TMEM132E: variants seen among roughly 807,000 people sequenced by gnomAD.
The protein encoded by TMEM132E is transmembrane protein 132E.
Under a neutral mutation model 78.5 loss-of-function variants are expected in TMEM132E, and 49 were observed. The observed-to-expected ratio is 0.62, with a 90% CI of 0.50 to 0.79. The LOEUF (loss-of-function observed/expected upper bound fraction) is 0.79. Ranked by LOEUF, TMEM132E falls within the 30% of genes least tolerant of loss-of-function variation. The pLI is 0.00. For synonymous variants in TMEM132E, 715 were observed against 670.6 expected, an observed-to-expected ratio of 1.07 and a Z score of -1.02; for missense variants, 1,403 against 1,470.9, an observed-to-expected ratio of 0.95 and a Z score of 0.75.
Position 34,627,038 on chromosome 17 carries a change from G to C in TMEM132E, c.979G>C (p.Val327Leu). The C allele has an allele frequency of 1.2e-6, 2 of 1,613,616 alleles. No homozygotes were observed. Among genetic ancestry groups the C allele is most frequent in the Non-Finnish European group, 1.7e-6 (2 of 1,179,992 alleles). The change falls in exon 2 of 9, where the codon GTG becomes CTG. Residue 327 changes from valine (V) to leucine (L), a missense_variant. Val to Leu is a conservative substitution (Grantham distance 32, BLOSUM62 1). Transcript: ENST00000631683. ...PNSSSPSSPSVEHFTLRVKAK... is the reference protein window; with the variant it reads ...PNSSSPSSPSLEHFTLRVKAK... ...CTCCTCCTCGCCCTCCAGCCCCAGC[G>C]TGGAGCACTTCACACTCAGGTAGTA...
At chr17:34,623,801 G>T (rs973112422) in intron 1 of TMEM132E, among the ~76,000 whole-genome samples, 1 of 152,142 alleles carries the variant, frequency 6.6e-6, no homozygotes, top group Non-Finnish European at 1.5e-5. Flanking sequence ...GTCCAAATGT[G>T]GACCCTGCAT....
At chr17:34,604,425 G>C (rs958517952) in intron 1 of TMEM132E, among the ~76,000 whole-genome samples, 1 of 152,168 alleles carries the variant, frequency 6.6e-6, no homozygotes, top group Admixed American at 6.5e-5. Context: ...ATCCACATTT[G>C]ATAGCTTCCA....
At chr17:34,633,339 T>C (rs1016834878) in intron 6 of TMEM132E, among the ~76,000 whole-genome samples, 3 of 152,252 alleles carry the variant, frequency 2.0e-5, no homozygotes, top group Non-Finnish European at 2.9e-5. Context: ...GTTAAGAGAC[T>C]GCCTGCAGTC....
intron 1 of TMEM132E, among the ~76,000 whole-genome samples, chr17:34,596,036 C>T (rs1046811755): frequency 9.1e-6 from 1 of 110,210 alleles, no homozygotes; most frequent in Admixed American, 1.0e-4. Flanking sequence ...CTCCCTCTCA[C>T]GTCTCTCTGT....
intron 1 of TMEM132E, among the ~76,000 whole-genome samples, chr17:34,620,088 T>C (rs1906910774): frequency 6.6e-6 from 1 of 152,218 alleles, no homozygotes; most frequent in African/African-American, 2.4e-5. Flanking sequence ...AGCAGAGACA[T>C]GGCCAGGGGA....
Position 34,637,027 on chromosome 17 carries a change from C to A in TMEM132E, c.2170-150C>A, listed in dbSNP as rs576448357. On this transcript the variant is annotated intron_variant, in intron 8 of 8. Coordinates refer to ENST00000631683, the MANE Select transcript of TMEM132E (RefSeq NM_001304438.2). ...ACTTGAACAGTAGTTCCTGAATGCC[C>A]GCCACAGGTCACAGGCACAGTTCCA... The A allele has an allele frequency of 2.7e-5, 19 of 697,606 alleles. No homozygotes were observed. The Admixed American group carries it at 4.7e-4, about 17-fold the overall frequency. 43.2% of individuals were successfully genotyped at this position (697,606 alleles called of 1,614,324 possible). A position where few individuals can be genotyped will look rare whatever the true frequency, so the allele number is the denominator to read the frequency against.
In TMEM132E at chr17:34,637,911, C is replaced by T. The variant is rs745451900; in HGVS notation, c.2904C>T (p.Asp968=). Residue 968 remains aspartate, a synonymous_variant, in exon 9 of 9, where the codon GAC becomes GAT. Transcript: ENST00000631683. The part of the protein sequence containing the change: ...LETVPAFCHG[D]HHSSGSSQTS... ...CCGTGCCCGCCTTCTGCCACGGCGA[C>T]CACCACAGCAGCGGCAGCTCGCAGA... 5 of 1,605,928 alleles carry T rather than the reference C, an allele frequency of 3.1e-6. No individual in the cohort carries two copies. The East Asian group carries it at 1.1e-4, about 36-fold the overall frequency.
intron 2 of TMEM132E, among the ~76,000 whole-genome samples, chr17:34,627,938 A>G (rs533202252): frequency 1.3e-5 from 2 of 152,342 alleles, no homozygotes; most frequent in African/African-American, 4.8e-5. Flanking sequence ...GCAGAATTAG[A>G]GAGGTGGCAA....
intron 1 of TMEM132E, among the ~76,000 whole-genome samples, chr17:34,587,498 C>A (rs531345733): frequency 6.6e-6 from 1 of 152,074 alleles, no homozygotes; most frequent in African/African-American, 2.4e-5. Context: ...TTATTCCTTG[C>A]GTGGTGAGGG....
chr17:34,616,945 G>A (rs1906801625), intron 1 of TMEM132E, among the ~76,000 whole-genome samples: 1 of 152,224 alleles, frequency 6.6e-6, no homozygotes, highest in African/African-American at 2.4e-5. Context: ...AGCAGAGCCG[G>A]GGCTGGGTTT....
intron 1 of TMEM132E, among the ~76,000 whole-genome samples, chr17:34,595,282 C>T (rs1906016662): frequency 1.3e-5 from 2 of 152,368 alleles, no homozygotes; most frequent in South Asian, 4.1e-4. Context: ...AGTCTTCTTA[C>T]CTGTAAGGTG....
intron 6 of TMEM132E, 54 bp from the exon 7 acceptor site, chr17:34,634,745 G>C: frequency 6.5e-7 from 1 of 1,548,810 alleles, no homozygotes; most frequent in South Asian, 1.2e-5. Flanking sequence ...GGTGTGTACT[G>C]TGCAGGTCAG....
At chr17:34,629,845 G>C (rs1207649069) in intron 4 of TMEM132E, among the ~76,000 whole-genome samples, 163 bp from the exon 5 acceptor site, 1 of 152,156 alleles carries the variant, frequency 6.6e-6, no homozygotes, top group African/African-American at 2.4e-5. Context: ...AGGAGTGCCA[G>C]GAGGGGTGGT....
At chr17:34,587,586 C>T (rs1342076704) in intron 1 of TMEM132E, among the ~76,000 whole-genome samples, 1 of 152,124 alleles carries the variant, frequency 6.6e-6, no homozygotes, top group Non-Finnish European at 1.5e-5. Context: ...GTCTCTCCTT[C>T]CCTACCTCAG....
At chr17:34,611,076 G>T (rs1233861199) in intron 1 of TMEM132E, among the ~76,000 whole-genome samples, 16 of 152,244 alleles carry the variant, frequency 1.1e-4, no homozygotes, top group Non-Finnish European at 1.0e-4. Context: ...CTCTAGTCAT[G>T]TGAAACTGCT....
chr17:34,620,257 AC>A (rs1444190393), intron 1 of TMEM132E, among the ~76,000 whole-genome samples: 2 of 152,180 alleles, frequency 1.3e-5, no homozygotes, highest in Non-Finnish European at 2.9e-5. Flanking sequence ...CTGGGCAGGT[AC>A]CCCCAACCTC....
chr17:34,589,445 C>A (rs1281320669), intron 1 of TMEM132E, among the ~76,000 whole-genome samples: 1 of 152,208 alleles, frequency 6.6e-6, no homozygotes, highest in African/African-American at 2.4e-5. Flanking sequence ...GGATGCTAAG[C>A]AACCTTCAGT....
At chr17:34,584,947 G>A (rs1905614904) in intron 1 of TMEM132E, among the ~76,000 whole-genome samples, 1 of 152,178 alleles carries the variant, frequency 6.6e-6, no homozygotes, top group Admixed American at 6.5e-5. Context: ...CCTGCGGGTT[G>A]TGTCCACACC....
intron 1 of TMEM132E, among the ~76,000 whole-genome samples, chr17:34,591,400 G>C (rs1405702835): frequency 6.6e-6 from 1 of 151,694 alleles, no homozygotes; most frequent in East Asian, 1.9e-4. Context: ...AACTTCCTGG[G>C]CTCAAACAAT....
Sources: allele counts gnomAD v4.1 joint callset (sites outside exome capture counted in the v4.1 genomes callset), GRCh38; gene constraint gnomAD v4.1.1; transcripts MANE v1.5; gene names NCBI Gene and HGNC (gene_info 2026-07-23, HGNC 2026-07-21).